Variants in TOP2B observed in about 807,000 individuals in gnomAD.
The protein encoded by TOP2B is DNA topoisomerase 2-beta.
TOP2B carries 51 observed loss-of-function variants against 193.5 expected under a neutral mutation model. The observed-to-expected ratio is 0.26, with a 90% CI of 0.21 to 0.33. The LOEUF (loss-of-function observed/expected upper bound fraction) is 0.33. Ranked by LOEUF, TOP2B falls within the 10% of genes least tolerant of loss-of-function variation. The pLI is 1.00. For synonymous variants in TOP2B, 634 were observed against 635.7 expected (o/e 1.00, Z 0.04); for missense variants, 1,378 against 1,909.3 (o/e 0.72, Z 5.19).
intron 1 of TOP2B, among the ~76,000 whole-genome samples, chr3:25,656,957 T>G (rs530756135): frequency 6.6e-6 from 1 of 152,250 alleles, no homozygotes; most frequent in Non-Finnish European, 1.5e-5. Flanking sequence ...TTATTACTTC[T>G]GCAACCCCAA....
chr3:25,650,122 T>C (rs1054216314), intron 1 of TOP2B, among the ~76,000 whole-genome samples: 80 of 152,338 alleles, frequency 5.3e-4, no homozygotes, highest in African/African-American at 1.9e-3. Flanking sequence ...CCTAATTATT[T>C]ATCATCAAAA....
chr3:25,616,225 T>C (rs1458170699), intron 25 of TOP2B, among the ~76,000 whole-genome samples: 1 of 151,866 alleles, frequency 6.6e-6, no homozygotes, highest in East Asian at 1.9e-4. Flanking sequence ...AAAAATTATT[T>C]TGTGCTAATA....
intron 15 of TOP2B, among the ~76,000 whole-genome samples, chr3:25,628,189 AAGGGAGCC>A (rs1244487545): frequency 6.6e-6 from 1 of 150,734 alleles, no homozygotes; most frequent in Non-Finnish European, 1.5e-5. Context: ...AAAAAAAAAA[AAGGGAGCC>A]AGGCATGGTG....
intron 1 of TOP2B, among the ~76,000 whole-genome samples, chr3:25,651,977 G>C (rs1336352580): frequency 6.6e-6 from 1 of 151,902 alleles, no homozygotes; most frequent in East Asian, 1.9e-4. Context: ...CAGATCCAAA[G>C]ATGCACAAAG....
chr3:25,649,776 G>A (rs1258467400), intron 1 of TOP2B, among the ~76,000 whole-genome samples: 1 of 152,046 alleles, frequency 6.6e-6, no homozygotes, highest in Non-Finnish European at 1.5e-5. Context: ...AAAGCAAAAG[G>A]ATAAAAAATA....
In TOP2B at chr3:25,628,920, G is replaced by A. The variant is rs751653742; in HGVS notation, c.1833C>T (p.Tyr611=). 2.5e-6 allele frequency: 4 copies of A among 1,599,086 alleles called. No individual in the cohort carries two copies. The highest frequency in any genetic ancestry group is 3.4e-6 in the Non-Finnish European group (4 of 1,175,716). Residue 611 remains tyrosine (Y), a synonymous_variant, in exon 15 of 36, where the codon TAC becomes TAT. Transcript: ENST00000264331. ...ASKNKQELSF[Y]SIPEFDEWKK... The stretch of plus-strand genomic sequence containing the variant: ...TCCATTCGTCAAATTCAGGAATACT[G>A]TAGAAGGAAAGTTCCTGCTTATTTT...
chr3:25,609,980 T>C (rs1233726294), intron 28 of TOP2B, among the ~76,000 whole-genome samples: 1 of 152,152 alleles, frequency 6.6e-6, no homozygotes, highest in African/African-American at 2.4e-5. Context: ...AAGGCAGCTT[T>C]TGATTATCAG....
At chr3:25,657,047 A>T (rs1703765779) in intron 1 of TOP2B, among the ~76,000 whole-genome samples, 2 of 152,234 alleles carry the variant, frequency 1.3e-5, no homozygotes, top group Non-Finnish European at 2.9e-5. Flanking sequence ...AGAAAGTAGA[A>T]ATTAACACTA....
intron 6 of TOP2B, among the ~76,000 whole-genome samples, chr3:25,636,429 G>A (rs1392237761): frequency 6.6e-6 from 1 of 151,990 alleles, no homozygotes; most frequent in Non-Finnish European, 1.5e-5. Flanking sequence ...CTGTTCACAT[G>A]GCATTTATAC....
Position 25,629,146 on chromosome 3 carries a change from CTAAA to C in TOP2B, c.1690-5_1690-2del, listed in dbSNP as rs780071914. ...CTTTTATGTGAGAACCATCTTGATC[CTAAA>C]TAAATGTTAGTAAAGTAAAAAATGT... On this transcript the variant is annotated splice_acceptor_variant and splice_polypyrimidine_tract_variant and intron_variant, in intron 13 of 35. Transcript: ENST00000264331. LOFTEE classifies it high-confidence loss of function. The C allele has an allele frequency of 1.7e-5, 27 of 1,554,488 alleles. No individual in the cohort carries two copies. In the East Asian group the frequency reaches 5.0e-4, roughly 29 times the overall value.
chr3:25,651,143 T>C (rs1184553674), intron 1 of TOP2B, among the ~76,000 whole-genome samples: 2 of 152,210 alleles, frequency 1.3e-5, no homozygotes, highest in Non-Finnish European at 2.9e-5. Context: ...TGGCATCTTC[T>C]AGTATTGTAA....
intron 27 of TOP2B, 143 bp downstream of exon 27, chr3:25,615,062 A>G (rs1479175402): frequency 1.8e-6 from 1 of 542,664 alleles, no homozygotes; most frequent in Non-Finnish European, 3.0e-6. Flanking sequence ...AACTTCACAT[A>G]ACTAGAAGCT....
At chr3:25,600,476 T>TACA (rs1318822200) in intron 34 of TOP2B, among the ~76,000 whole-genome samples, 1 of 152,230 alleles carries the variant, frequency 6.6e-6, no homozygotes, top group East Asian at 1.9e-4. Context: ...CCTGTAGGTC[T>TACA]ACAGCTCCTT....
At chr3:25,664,121 C>T (rs1035777373) in intron 1 of TOP2B, 108 bp downstream of exon 1, 18 of 1,491,514 alleles carry the variant, frequency 1.2e-5, no homozygotes, top group Non-Finnish European at 1.6e-5. Flanking sequence ...AGCGCCCGTT[C>T]GGGGGACGGG....
chr3:25,643,807 A>T, intron 2 of TOP2B, 23 bp from the exon 3 acceptor site: 1 of 1,563,580 alleles, frequency 6.4e-7, no homozygotes, highest in South Asian at 1.1e-5. Context: ...ATTCAAAAAA[A>T]ATTTTACTCA....
At chr3:25,642,422 AT>A in intron 3 of TOP2B, 37 bp from the exon 4 acceptor site, 1 of 1,328,050 alleles carries the variant, frequency 7.5e-7, no homozygotes, top group Non-Finnish European at 1.0e-6. Context: ...AATATACAAA[AT>A]TATATAAATA....
intron 33 of TOP2B, among the ~76,000 whole-genome samples, chr3:25,601,590 C>G (rs530317563): frequency 6.6e-6 from 1 of 151,456 alleles, no homozygotes; most frequent in African/African-American, 2.4e-5. Context: ...TCCAGTTGAG[C>G]AACAAGAGCA....
chr3:25,629,181 T>C (rs1194814271), intron 13 of TOP2B, 36 bp from the exon 14 acceptor site: 1 of 1,410,142 alleles, frequency 7.1e-7, no homozygotes, highest in East Asian at 2.4e-5. Context: ...AATGTTGTAA[T>C]ACTTTTATAA....
intron 2 of TOP2B, among the ~76,000 whole-genome samples, chr3:25,644,507 C>A (rs1162738231): frequency 6.6e-6 from 1 of 152,002 alleles, no homozygotes; most frequent in East Asian, 2.0e-4. Context: ...TCAAGACCAG[C>A]CTGGCCAACA....
Sources: gnomAD v4.1 joint callset for allele counts (sites outside exome capture counted in the v4.1 genomes callset) on GRCh38, gnomAD v4.1.1 for gene constraint, MANE v1.5 for transcripts, NCBI Gene and HGNC (gene_info 2026-07-23, HGNC 2026-07-21) for gene names.